The following SESN1 variants were observed in gnomAD, a reference collection of about 807,000 sequenced individuals.
SESN1 encodes the protein sestrin-1.
In SESN1, 30 loss-of-function variants were observed where a neutral mutation model predicts 59.3. That is an observed-to-expected ratio of 0.51 (90% CI 0.38 to 0.69). The LOEUF (loss-of-function observed/expected upper bound fraction) is 0.69, where lower values mean the gene tolerates loss of function less well. Among genes scored for constraint, SESN1 ranks in the 30% least tolerant of loss-of-function variants. SESN1 has a pLI of 0.00. For synonymous variants in SESN1, 197 were observed against 219.9 expected, an observed-to-expected ratio of 0.90 and a Z score of 0.92; for missense variants, 566 against 673.0, an observed-to-expected ratio of 0.84 and a Z score of 1.76.
At chr6:109,014,828 C>T (rs1449969017) in intron 1 of SESN1, among the ~76,000 whole-genome samples, 2 of 152,102 alleles carry the variant, frequency 1.3e-5, no homozygotes, top group Non-Finnish European at 2.9e-5. Context: ...ACATGACCCC[C>T]GTTTCTCAAA....
intron 5 of SESN1, among the ~76,000 whole-genome samples, 189 bp from the exon 6 acceptor site, chr6:108,994,798 G>T (rs1241919347): frequency 1.3e-5 from 2 of 151,246 alleles, no homozygotes; most frequent in Non-Finnish European, 1.5e-5. Flanking sequence ...CACCTCCCAG[G>T]TTCACGCCAT....
intron 1 of SESN1, among the ~76,000 whole-genome samples, chr6:109,089,451 G>C (rs938663853): frequency 1.3e-5 from 2 of 152,210 alleles, no homozygotes; most frequent in Admixed American, 1.3e-4. Context: ...TGGCTCTACA[G>C]CTATGTGGAG....
rs1146243 is a variant in SESN1 at position 109,073,819 on chromosome 6, T to C, written c.279+19976A>G. On this transcript the variant is annotated intron_variant, in intron 1 of 9. Transcript: ENST00000436639. ...ACCTTAAAAGCCACTCTTCTATGAATAGAAAGTGGTGTTTTGACTTATTTT... is the reference window on the plus strand; with the variant it reads ...ACCTTAAAAGCCACTCTTCTATGAACAGAAAGTGGTGTTTTGACTTATTTT... Among the ~76,000 whole-genome samples, 266 of 152,346 alleles carry C rather than the reference T, an allele frequency of 1.7e-3. 1 individual carries two copies. The highest frequency in any genetic ancestry group is 6.2e-3 in the African/African-American group (258 of 41,570).
intron 1 of SESN1, among the ~76,000 whole-genome samples, chr6:109,015,077 T>C (rs539104978): frequency 6.6e-5 from 10 of 152,136 alleles, no homozygotes; most frequent in Non-Finnish European, 1.5e-4. Context: ...CATTAAAAAA[T>C]TGTTTAAGCT....
rs920892620 is a variant in SESN1 at position 108,986,240 on chromosome 6, T to C, written c.*1304A>G. On this transcript the variant is annotated 3_prime_UTR_variant, in exon 10 of 10. Transcript: ENST00000436639. Reference sequence around the variant, plus strand: ...TGAAAAGAGAGCAGGCATAGGGCCATACCAGTCATTTCCAAGATAAAAATG... The same window carrying C: ...TGAAAAGAGAGCAGGCATAGGGCCACACCAGTCATTTCCAAGATAAAAATG... Among the ~76,000 whole-genome samples, 1 of 152,238 alleles carries C rather than the reference T, an allele frequency of 6.6e-6. No homozygotes were observed. The highest frequency in any genetic ancestry group is 2.4e-5 in the African/African-American group (1 of 41,462).
intron 1 of SESN1, among the ~76,000 whole-genome samples, chr6:109,008,334 T>C (rs557856252): frequency 6.6e-6 from 1 of 152,320 alleles, no homozygotes; most frequent in South Asian, 2.1e-4. Context: ...TTTCATACTG[T>C]TTTCACTTTT....
rs973093360 is a variant in SESN1, at chr6:108,984,969, G to A, written c.*2575C>T. ...ATATATTGTTAACTCAGCGTCTCTG[G>A]GAGAATGAGGACGTGGAGTTCCCAA... On this transcript the variant is annotated 3_prime_UTR_variant, in exon 10 of 10. Coordinates refer to ENST00000436639, the MANE Select transcript of SESN1 (RefSeq NM_014454.3). Among the ~76,000 whole-genome samples, 5 of 152,026 alleles carry A rather than the reference G, an allele frequency of 3.3e-5. No homozygotes were observed. Among genetic ancestry groups the A allele is most frequent in the Admixed American group, 6.6e-5 (1 of 15,264 alleles).
intron 1 of SESN1, chr6:109,009,468 C>A: frequency 7.8e-7 from 1 of 1,274,270 alleles, no homozygotes. Flanking sequence ...CATGTCGGCG[C>A]GGGGACGGCT....
At chr6:109,034,695 G>C (rs1780227309) in intron 1 of SESN1, among the ~76,000 whole-genome samples, 1 of 152,200 alleles carries the variant, frequency 6.6e-6, no homozygotes, top group African/African-American at 2.4e-5. Flanking sequence ...TGTGCATAGT[G>C]AATGTCACTA....
chr6:109,078,334 G>A (rs977797473), intron 1 of SESN1, among the ~76,000 whole-genome samples: 1 of 151,998 alleles, frequency 6.6e-6, no homozygotes, highest in East Asian at 1.9e-4. Flanking sequence ...GTGAGCTATA[G>A]TCACACTGCT....
rs768245807 is a variant in SESN1, at chr6:109,001,371, C to G, written c.463G>C (p.Glu155Gln). Residue 155 changes from glutamate (E) to glutamine (Q), a missense_variant, in exon 3 of 10, where the codon GAA becomes CAA. Transcript: ENST00000436639. Reference sequence around the variant, plus strand: ...TAGTGCTGAGTTTTTAAGAAACTTTCTAAATATTGTGGGTGGAAAACCATC... The same window carrying G: ...TAGTGCTGAGTTTTTAAGAAACTTTGTAAATATTGTGGGTGGAAAACCATC... ...LVMVFHPQYLESFLKTQHYLL... is the reference protein window; with the variant it reads ...LVMVFHPQYLQSFLKTQHYLL... 4.3e-6 allele frequency: 7 copies of G among 1,613,836 alleles called. No homozygotes were observed. The highest frequency in any genetic ancestry group is 3.3e-5 in the Admixed American group (2 of 60,000).
At chr6:109,049,926 T>C (rs6916819) in intron 1 of SESN1, among the ~76,000 whole-genome samples, 18,275 of 152,138 alleles carry the variant, frequency 0.12, 1,179 homozygotes, top group Middle Eastern at 0.2. Context: ...TGTCTGACTT[T>C]GGTTTGAAAC....
chr6:109,060,894 C>T (rs779155077), intron 1 of SESN1, among the ~76,000 whole-genome samples: 40 of 152,144 alleles, frequency 2.6e-4, no homozygotes, highest in Non-Finnish European at 5.3e-4. Flanking sequence ...CTTTCAATGT[C>T]TCCAGGAAAA....
chr6:108,993,831 C>G (rs1052559918), intron 6 of SESN1, among the ~76,000 whole-genome samples: 4 of 152,028 alleles, frequency 2.6e-5, no homozygotes, highest in African/African-American at 9.7e-5. Flanking sequence ...CCTTCCACCT[C>G]AGCTTCTTGA....
intron 1 of SESN1, among the ~76,000 whole-genome samples, chr6:109,069,275 A>G (rs1027630816): frequency 6.6e-6 from 1 of 152,142 alleles, no homozygotes; most frequent in Admixed American, 6.5e-5. Context: ...AGTTGCGGAA[A>G]AAAGAAAAAC....
chr6:109,067,723 T>C (rs1780859148), intron 1 of SESN1, among the ~76,000 whole-genome samples: 1 of 152,224 alleles, frequency 6.6e-6, no homozygotes, highest in Non-Finnish European at 1.5e-5. Flanking sequence ...CAGCCCCAAG[T>C]ACTATTCTTT....
chr6:109,075,825 T>C (rs555348382), intron 1 of SESN1, among the ~76,000 whole-genome samples: 37 of 152,280 alleles, frequency 2.4e-4, no homozygotes, highest in Non-Finnish European at 4.3e-4. Flanking sequence ...AAAAAACTAA[T>C]TCAGTTGTTA....
chr6:109,078,682 G>A (rs975827039), intron 1 of SESN1, among the ~76,000 whole-genome samples: 1 of 152,042 alleles, frequency 6.6e-6, no homozygotes, highest in Non-Finnish European at 1.5e-5. Context: ...ATTCTTAAGG[G>A]CAATAGTTGT....
At chr6:108,994,162 A>G (rs1014877754) in intron 6 of SESN1, among the ~76,000 whole-genome samples, 15 of 150,392 alleles carry the variant, frequency 1.0e-4, no homozygotes, top group Admixed American at 5.3e-4. Context: ...AAAAAAAAAA[A>G]AGAGAAAAAA....
Sources: allele counts gnomAD v4.1 joint callset (sites outside exome capture counted in the v4.1 genomes callset), GRCh38; gene constraint gnomAD v4.1.1; transcripts MANE v1.5; gene names NCBI Gene and HGNC (gene_info 2026-07-23, HGNC 2026-07-21).